Variants in PIK3C3 observed in about 807,000 individuals in gnomAD.
PIK3C3 encodes the protein phosphatidylinositol 3-kinase catalytic subunit type 3, also known as PI3-kinase type 3.
Under a neutral mutation model 126.1 loss-of-function variants are expected in PIK3C3, and 95 were observed. The ratio of observed to expected loss-of-function variants is 0.75; its 90% confidence interval spans 0.64 to 0.89. The LOEUF (loss-of-function observed/expected upper bound fraction) is 0.89. PIK3C3 is among the 40% of genes least tolerant of loss of function. The pLI is 0.00. For synonymous variants in PIK3C3, 374 were observed against 360.0 expected (o/e 1.04, Z -0.44); for missense variants, 829 against 1,063.2 (o/e 0.78, Z 3.06).
rs556827820 is a variant in PIK3C3, at chr18:42,085,373, A to C, written c.*4236A>C. On this transcript the variant is annotated 3_prime_UTR_variant, in exon 25 of 25. Transcript: ENST00000262039. ...TATATGGAATATGAACAACTTTAAT[A>C]TGAATAAATAGTCTAGAAAAAAATT... 1.5e-4 allele frequency: 23 copies of C among 152,324 alleles called. No homozygotes were observed. Among genetic ancestry groups the C allele is most frequent in the African/African-American group, 5.3e-4 (22 of 41,588 alleles). 9.4% of individuals were successfully genotyped at this position (152,324 alleles called of 1,614,324 possible). A position where few individuals can be genotyped will look rare whatever the true frequency, so the allele number is the denominator to read the frequency against.
chr18:41,997,460 C>T (rs1053877155), intron 9 of PIK3C3, among the ~76,000 whole-genome samples: 1 of 151,968 alleles, frequency 6.6e-6, no homozygotes, highest in Non-Finnish European at 1.5e-5. Flanking sequence ...TACTGTTGCC[C>T]CTAAGAAGCT....
intron 2 of PIK3C3, among the ~76,000 whole-genome samples, chr18:41,960,930 C>A (rs1256075496): frequency 6.6e-6 from 1 of 151,888 alleles, no homozygotes; most frequent in African/African-American, 2.4e-5. Flanking sequence ...TTAGTAGAGA[C>A]ACGGTTTCAC....
At chr18:42,054,365 G>A (rs1984967000) in intron 21 of PIK3C3, among the ~76,000 whole-genome samples, 1 of 150,592 alleles carries the variant, frequency 6.6e-6, no homozygotes, top group South Asian at 2.1e-4. Context: ...TGGGAGGCTG[G>A]GCAAGTCTCT....
intron 4 of PIK3C3, among the ~76,000 whole-genome samples, chr18:41,975,399 T>TA (rs1980865011): frequency 1.3e-5 from 2 of 152,176 alleles, no homozygotes; most frequent in African/African-American, 4.8e-5. Flanking sequence ...TTCAAATGCT[T>TA]AGACGCCCCT....
intron 11 of PIK3C3, among the ~76,000 whole-genome samples, chr18:42,015,001 C>T (rs950200417): frequency 3.3e-5 from 5 of 152,094 alleles, no homozygotes; most frequent in African/African-American, 1.2e-4. Context: ...AAAGTCTATT[C>T]AGAATTTTAT....
At chr18:42,030,883 C>A (rs1233822460) in intron 15 of PIK3C3, among the ~76,000 whole-genome samples, 1 of 152,134 alleles carries the variant, frequency 6.6e-6, no homozygotes, top group Non-Finnish European at 1.5e-5. Context: ...GCACAGGAAC[C>A]TTGGCAACAC....
intron 19 of PIK3C3, among the ~76,000 whole-genome samples, chr18:42,042,250 A>G (rs1567996893): frequency 1.3e-5 from 2 of 152,106 alleles, no homozygotes; most frequent in African/African-American, 4.8e-5. Context: ...ATTTTTGGCT[A>G]TTGGAAAAGA....
intron 22 of PIK3C3, chr18:42,059,672 T>C (rs1469821540): frequency 2.0e-5 from 3 of 152,174 alleles, no homozygotes; most frequent in Admixed American, 2.0e-4. Flanking sequence ...ACAGAGAGAT[T>C]AATCTAAATA....
intron 13 of PIK3C3, chr18:42,026,565 C>T (rs909031927): frequency 6.6e-6 from 1 of 152,136 alleles, no homozygotes; most frequent in African/African-American, 2.4e-5. Flanking sequence ...AAGCTATCTT[C>T]CCACCTCAGC....
At chr18:42,020,525 G>C in intron 12 of PIK3C3, 113 bp from the exon 13 acceptor site, 2 of 632,326 alleles carry the variant, frequency 3.2e-6, no homozygotes, top group Non-Finnish European at 5.5e-6. Context: ...CAGAAAATCT[G>C]ATCTATTACA....
intron 20 of PIK3C3, among the ~76,000 whole-genome samples, chr18:42,044,969 GCTTT>G (rs1984497654): frequency 6.6e-6 from 1 of 152,226 alleles, no homozygotes; most frequent in African/African-American, 2.4e-5. Context: ...TTTAGAAGTT[GCTTT>G]CTTATACATA....
intron 19 of PIK3C3, among the ~76,000 whole-genome samples, chr18:42,041,303 A>G (rs1030170058): frequency 2.0e-5 from 3 of 152,140 alleles, no homozygotes; most frequent in Non-Finnish European, 4.4e-5. Flanking sequence ...TTTATTTGAT[A>G]TTAATTGATG....
In PIK3C3 at chr18:42,064,807, G is replaced by T; in HGVS notation, c.2500G>T (p.Glu834Ter). The T allele has an allele frequency of 1.3e-6, 2 of 1,596,250 alleles. No homozygotes were observed. Among genetic ancestry groups the T allele is most frequent in the South Asian group, 1.1e-5 (1 of 90,556 alleles). The change falls in exon 23 of 25, where the codon GAA (glutamate) becomes TAA (stop). Residue 834 changes from glutamate (E) to a stop codon, truncating the protein, a stop_gained. Transcript: ENST00000262039. LOFTEE classifies it high-confidence loss of function. ...TGCAAACATTCCAGATATTGCACTT[G>T]AACCAGATAAAACTGTGAAAAAGGT... ...VDANIPDIALEPDKTVKKVQD... is the reference protein window; with the variant it reads ...VDANIPDIAL
chr18:42,011,564 T>A (rs1402649866), intron 10 of PIK3C3, among the ~76,000 whole-genome samples: 1 of 152,218 alleles, frequency 6.6e-6, no homozygotes, highest in Non-Finnish European at 1.5e-5. Flanking sequence ...TAGTTTGATC[T>A]ACCCAGACCA....
intron 2 of PIK3C3, among the ~76,000 whole-genome samples, chr18:41,961,227 CA>C (rs1980069331): frequency 6.6e-6 from 1 of 152,002 alleles, no homozygotes; most frequent in Admixed American, 6.6e-5. Flanking sequence ...GGATAATATC[CA>C]AAACATTATT....
chr18:41,970,018 C>T (rs1283327654), intron 3 of PIK3C3, among the ~76,000 whole-genome samples: 3 of 152,060 alleles, frequency 2.0e-5, no homozygotes, highest in African/African-American at 7.2e-5. Flanking sequence ...CTCTGTTATT[C>T]CTTAGATCTT....
At position 41,996,707 on chromosome 18, in the gene PIK3C3, T is replaced by C. The variant is rs749603709; in HGVS notation, c.961T>C (p.Tyr321His). 11 of 1,557,768 alleles carry C rather than the reference T, an allele frequency of 7.1e-6. No homozygotes were observed. In the South Asian group the frequency reaches 1.3e-4, roughly 19 times the overall value. ...ACAAGATCTTGTTTGGAAGTTTAGATATTATCTTACGAATCAAGAAAAAGT... is the reference window on the plus strand; with the variant it reads ...ACAAGATCTTGTTTGGAAGTTTAGACATTATCTTACGAATCAAGAAAAAGT... Reference protein sequence around the residue: ...EEQDLVWKFRYYLTNQEKALT... With the variant: ...EEQDLVWKFRHYLTNQEKALT... The change falls in exon 9 of 25, where the codon TAT becomes CAT. Residue 321 changes from tyrosine to histidine, a missense_variant. Physicochemically the swap from Tyr to His is moderately conservative, Grantham distance 83 (BLOSUM62 2). Transcript: ENST00000262039.
chr18:42,016,260 TAA>T (rs1239335800), intron 12 of PIK3C3, among the ~76,000 whole-genome samples: 1 of 152,138 alleles, frequency 6.6e-6, no homozygotes, highest in African/African-American at 2.4e-5. Flanking sequence ...AGCTATTGAT[TAA>T]AGTTTGTATG....
intron 21 of PIK3C3, chr18:42,057,496 T>C (rs1441349400): frequency 6.4e-6 from 1 of 155,830 alleles, no homozygotes; most frequent in Non-Finnish European, 1.4e-5. Context: ...AATAATTTTC[T>C]ACTATATGAA....
Sources: gnomAD v4.1 joint callset for allele counts (sites outside exome capture counted in the v4.1 genomes callset) on GRCh38, gnomAD v4.1.1 for gene constraint, MANE v1.5 for transcripts, NCBI Gene and HGNC (gene_info 2026-07-23, HGNC 2026-07-21) for gene names.